SMIM10L3: variants seen among roughly 807,000 people sequenced by gnomAD.
The protein encoded by SMIM10L3 is salivary gland specific protein SAGSIN1.
At chr7:6,340,586 G>A in the SMIM10L3 span, among the ~76,000 whole-genome samples, 7 of 152,168 alleles carry the variant, frequency 4.6e-5, no homozygotes, top group South Asian at 1.0e-3. Context: ...AGACTCGAAG[G>A]AGGGCAGGTT....
the SMIM10L3 span, among the ~76,000 whole-genome samples, chr7:6,343,226 A>G: frequency 6.7e-6 from 1 of 150,228 alleles, no homozygotes; most frequent in Non-Finnish European, 1.5e-5. Context: ...AAAATACAAT[A>G]ATTAGCTGGG....
chr7:6,336,938 G>A, the SMIM10L3 span, among the ~76,000 whole-genome samples: 9 of 152,274 alleles, frequency 5.9e-5, no homozygotes, highest in East Asian at 1.4e-3. Context: ...ACAGGCGTGA[G>A]CCACCATGGC....
chr7:6,335,348 G>C, the SMIM10L3 span, among the ~76,000 whole-genome samples: 2 of 151,660 alleles, frequency 1.3e-5, no homozygotes, highest in South Asian at 2.1e-4. Flanking sequence ...TCAACCTCCT[G>C]AGTAGCTGTG....
At chr7:6,343,397 C>CATTCATAT in the SMIM10L3 span, among the ~76,000 whole-genome samples, 1 of 86,994 alleles carries the variant, frequency 1.1e-5, no homozygotes, top group Non-Finnish European at 2.3e-5. Flanking sequence ...ATAATAATTT[C>CATTCATAT]ATATATATAT....
the SMIM10L3 span, chr7:6,331,024 G>A: frequency 6.2e-7 from 1 of 1,613,948 alleles, no homozygotes; most frequent in Non-Finnish European, 8.5e-7. Flanking sequence ...CATCCAGGAG[G>A]GTGCATCTGC....
At chr7:6,343,102 T>G in the SMIM10L3 span, among the ~76,000 whole-genome samples, 1 of 149,764 alleles carries the variant, frequency 6.7e-6, no homozygotes, top group African/African-American at 2.4e-5. Flanking sequence ...ATTGGCCAGG[T>G]GCAGTGGCTT....
chr7:6,330,349 T>C, the SMIM10L3 span: 3 of 1,570,144 alleles, frequency 1.9e-6, no homozygotes, highest in African/African-American at 2.7e-5. Context: ...TTAAAATTAA[T>C]CTATTGGTAT....
chr7:6,346,491 C>T, the SMIM10L3 span, among the ~76,000 whole-genome samples: 1 of 152,278 alleles, frequency 6.6e-6, no homozygotes, highest in African/African-American at 2.4e-5. Context: ...CTCAGCCCCA[C>T]AAGCAGCTGG....
chr7:6,341,205 G>T, the SMIM10L3 span, among the ~76,000 whole-genome samples: 1 of 151,162 alleles, frequency 6.6e-6, no homozygotes, highest in East Asian at 2.0e-4. Flanking sequence ...AGCACTTTGG[G>T]AGGCCAAGGA....
the SMIM10L3 span, among the ~76,000 whole-genome samples, chr7:6,347,492 G>A: frequency 3.3e-5 from 5 of 151,722 alleles, no homozygotes; most frequent in Admixed American, 2.6e-4. Context: ...CTCCAGCTTG[G>A]GCAAGAGTAA....
At chr7:6,330,794 C>T in the SMIM10L3 span, 5 of 1,614,078 alleles carry the variant, frequency 3.1e-6, no homozygotes, top group Non-Finnish European at 8.5e-7. Flanking sequence ...GCTTCAACAC[C>T]ACTGCAGGAC....
the SMIM10L3 span, among the ~76,000 whole-genome samples, chr7:6,341,158 G>C: frequency 7.2e-6 from 1 of 139,758 alleles, no homozygotes; most frequent in Non-Finnish European, 1.5e-5. Flanking sequence ...AAAAAAATGA[G>C]TGCTGGCCAG....
chr7:6,330,571 G>A, the SMIM10L3 span: 39 of 1,614,020 alleles, frequency 2.4e-5, no homozygotes, highest in South Asian at 2.2e-5. Context: ...CACGTGCAGC[G>A]TTGCAGACAG....
the SMIM10L3 span, among the ~76,000 whole-genome samples, chr7:6,336,556 C>G: frequency 6.6e-6 from 1 of 151,856 alleles, no homozygotes; most frequent in African/African-American, 2.4e-5. Flanking sequence ...TTGCACATGC[C>G]TATAATCCCA....
chr7:6,337,635 G>A, the SMIM10L3 span, among the ~76,000 whole-genome samples: 1 of 151,306 alleles, frequency 6.6e-6, no homozygotes, highest in Non-Finnish European at 1.5e-5. Context: ...GGTACCATTA[G>A]TAATCACTTA....
At chr7:6,330,960 C>A in the SMIM10L3 span, 1 of 1,614,254 alleles carries the variant, frequency 6.2e-7, no homozygotes, top group Non-Finnish European at 8.5e-7. Context: ...GATCCTTTCT[C>A]ATTTCCAGTG....
chr7:6,347,143 A>C, the SMIM10L3 span, among the ~76,000 whole-genome samples: 1 of 152,216 alleles, frequency 6.6e-6, no homozygotes, highest in Non-Finnish European at 1.5e-5. Context: ...CCTTGGCAAC[A>C]TGGGAAGACC....
the SMIM10L3 span, chr7:6,330,972 T>C: frequency 1.2e-6 from 2 of 1,614,138 alleles, no homozygotes; most frequent in African/African-American, 1.3e-5. Context: ...TTTCCAGTGA[T>C]AATGCCTCAC....
the SMIM10L3 span, among the ~76,000 whole-genome samples, chr7:6,340,695 C>G: frequency 4.6e-5 from 7 of 151,512 alleles, no homozygotes; most frequent in South Asian, 2.1e-4. Flanking sequence ...GTCAGGAGAT[C>G]GAGACCATCC....
Sources: allele counts gnomAD v4.1 joint callset (sites outside exome capture counted in the v4.1 genomes callset), GRCh38; gene constraint gnomAD v4.1.1; transcripts MANE v1.5; gene names NCBI Gene and HGNC (gene_info 2026-07-23, HGNC 2026-07-21).